Variants in RBFOX1 observed in about 807,000 individuals in gnomAD.
RBFOX1 encodes RNA binding protein fox-1 homolog 1.
A neutral mutation model predicts 57.7 loss-of-function variants in RBFOX1; 8 were observed. The observed-to-expected ratio is 0.14, with a 90% CI of 0.08 to 0.25. The LOEUF (loss-of-function observed/expected upper bound fraction) is 0.25, where lower values mean the gene tolerates loss of function less well. Among genes scored for constraint, RBFOX1 ranks in the 10% least tolerant of loss-of-function variants. The pLI, the probability that RBFOX1 is intolerant of heterozygous loss-of-function variation, is 1.00. For missense variants in RBFOX1, 611 were observed against 548.5 expected, an observed-to-expected ratio of 1.11 and a Z score of -1.14; for synonymous variants, 326 against 222.4, an observed-to-expected ratio of 1.47 and a Z score of -4.15.
chr16:5,799,309 G>C (rs994327315), intron 3 of RBFOX1, among the ~76,000 whole-genome samples: 1 of 152,118 alleles, frequency 6.6e-6, no homozygotes, highest in Non-Finnish European at 1.5e-5. Context: ...AATTATGGGA[G>C]CTACAAGTAA....
At chr16:6,712,709 C>A (rs562587785) in intron 3 of RBFOX1, among the ~76,000 whole-genome samples, 1 of 152,002 alleles carries the variant, frequency 6.6e-6, no homozygotes, top group South Asian at 2.1e-4. Flanking sequence ...GAAAACATAC[C>A]CACTTCTCCC....
intron 4 of RBFOX1, among the ~76,000 whole-genome samples, chr16:7,297,801 A>C (rs552740501): frequency 1.3e-5 from 2 of 152,194 alleles, no homozygotes; most frequent in African/African-American, 4.8e-5. Context: ...ATAAATCTGT[A>C]CAGAGTAAAA....
At chr16:5,625,677 C>T (rs990432491) in intron 3 of RBFOX1, among the ~76,000 whole-genome samples, 88 of 151,924 alleles carry the variant, frequency 5.8e-4, no homozygotes, top group African/African-American at 1.9e-3. Flanking sequence ...CCTTCCTCAG[C>T]CTCCTGAGTA....
intron 2 of RBFOX1, among the ~76,000 whole-genome samples, chr16:5,476,920 T>A (rs2069345170): frequency 6.6e-6 from 1 of 152,252 alleles, no homozygotes. Flanking sequence ...CCTCTCCATC[T>A]AGCCATGATA....
chr16:6,971,979 GC>G (rs2085655163), intron 3 of RBFOX1, among the ~76,000 whole-genome samples: 1 of 152,146 alleles, frequency 6.6e-6, no homozygotes, highest in Non-Finnish European at 1.5e-5. Context: ...CGTGCCACAG[GC>G]AATCCCTGCA....
At chr16:5,581,465 G>A (rs750677210) in intron 2 of RBFOX1, among the ~76,000 whole-genome samples, 2 of 152,242 alleles carry the variant, frequency 1.3e-5, no homozygotes, top group Admixed American at 6.5e-5. Context: ...ACACGAGTCA[G>A]TGGTGGAGGC....
intron 3 of RBFOX1, among the ~76,000 whole-genome samples, chr16:5,835,864 C>T (rs533141503): frequency 6.6e-6 from 1 of 152,290 alleles, no homozygotes; most frequent in South Asian, 2.1e-4. Context: ...GCCTCCCATC[C>T]CTCCCAGAGC....
intron 3 of RBFOX1, among the ~76,000 whole-genome samples, chr16:5,759,694 C>G (rs572677629): frequency 2.6e-5 from 4 of 152,324 alleles, no homozygotes; most frequent in South Asian, 4.1e-4. Flanking sequence ...GTGTTTCCCA[C>G]AAGCCTCTCG....
At chr16:6,536,606 C>G (rs1318592578) in intron 2 of RBFOX1, among the ~76,000 whole-genome samples, 1 of 151,366 alleles carries the variant, frequency 6.6e-6, no homozygotes, top group African/African-American at 2.4e-5. Context: ...TGTGATAAGT[C>G]TAATTATAGT....
At chr16:7,210,380 C>T (rs1311675820) in intron 4 of RBFOX1, among the ~76,000 whole-genome samples, 5 of 152,120 alleles carry the variant, frequency 3.3e-5, no homozygotes, top group Admixed American at 6.5e-5. Flanking sequence ...ACATGGACCA[C>T]GGTGTGGTCC....
chr16:6,740,757 A>G (rs571341566), intron 3 of RBFOX1, among the ~76,000 whole-genome samples: 1 of 152,342 alleles, frequency 6.6e-6, no homozygotes, highest in Non-Finnish European at 1.5e-5. Context: ...GTGTTCATGG[A>G]TTGAAAGACT....
chr16:5,251,852 A>G (rs1431792800), intron 1 of RBFOX1, among the ~76,000 whole-genome samples: 3 of 152,150 alleles, frequency 2.0e-5, no homozygotes, highest in Admixed American at 6.6e-5. Flanking sequence ...ATAAAATACT[A>G]TTATAAAATA....
At chr16:6,952,229 G>C (rs2080914490) in intron 3 of RBFOX1, among the ~76,000 whole-genome samples, 1 of 152,280 alleles carries the variant, frequency 6.6e-6, no homozygotes, top group Middle Eastern at 3.4e-3. Context: ...AAAAAGAGTA[G>C]GACCTTTCCC....
chr16:5,408,064 C>T (rs574604646), intron 1 of RBFOX1, among the ~76,000 whole-genome samples: 78 of 148,840 alleles, frequency 5.2e-4, no homozygotes, highest in African/African-American at 1.8e-3. Flanking sequence ...GTGTTTAATT[C>T]GGTTGCTTAT....
chr16:7,303,367 A>G (rs1485822848), intron 4 of RBFOX1, among the ~76,000 whole-genome samples: 1 of 151,952 alleles, frequency 6.6e-6, no homozygotes, highest in African/African-American at 2.4e-5. Context: ...TGAGGAGGGG[A>G]AATCCCTTTT....
At chr16:5,354,093 T>C (rs1278414879) in intron 1 of RBFOX1, among the ~76,000 whole-genome samples, 2 of 152,044 alleles carry the variant, frequency 1.3e-5, no homozygotes, top group Admixed American at 1.3e-4. Context: ...GCCCCTTACC[T>C]GTGAGAGTTA....
At chr16:6,742,984 T>C (rs373006426) in intron 3 of RBFOX1, among the ~76,000 whole-genome samples, 78 of 152,260 alleles carry the variant, frequency 5.1e-4, no homozygotes, top group African/African-American at 1.9e-3. Flanking sequence ...CAATATCATA[T>C]AGTACAATAT....
chr16:7,122,681 A>G (rs538841540), intron 4 of RBFOX1, among the ~76,000 whole-genome samples: 1 of 152,162 alleles, frequency 6.6e-6, no homozygotes, highest in Admixed American at 6.5e-5. Context: ...AAAGTTAAGT[A>G]TATGCTTATC....
At chr16:5,820,355 G>A (rs1339677104) in intron 3 of RBFOX1, among the ~76,000 whole-genome samples, 2 of 152,162 alleles carry the variant, frequency 1.3e-5, no homozygotes, top group Non-Finnish European at 2.9e-5. Flanking sequence ...TATAAATCCT[G>A]CAAGGGGGGA....
Sources: gnomAD v4.1 joint callset for allele counts (sites outside exome capture counted in the v4.1 genomes callset) on GRCh38, gnomAD v4.1.1 for gene constraint, MANE v1.5 for transcripts, NCBI Gene and HGNC (gene_info 2026-07-23, HGNC 2026-07-21) for gene names.